Variants in SDK1 observed in about 807,000 individuals in gnomAD.
SDK1 encodes the protein sidekick cell adhesion molecule 1.
SDK1 carries 157 observed loss-of-function variants against 245.5 expected under a neutral mutation model. The observed-to-expected ratio is 0.64, with a 90% confidence interval of 0.56 to 0.73. The LOEUF (loss-of-function observed/expected upper bound fraction) is 0.73, where lower values mean the gene tolerates loss of function less well. Among genes scored for constraint, SDK1 ranks in the 30% least tolerant of loss-of-function variants. The pLI is 0.00. For synonymous variants in SDK1, 1,647 were observed against 1,278.5 expected, an observed-to-expected ratio of 1.29 and a Z score of -6.15; for missense variants, 3,583 against 3,002.3, an observed-to-expected ratio of 1.19 and a Z score of -4.52.
rs190739907 is a variant in SDK1, at chr7:3,773,300, C to T, written c.714-48150C>T. 9.5e-4 allele frequency among the ~76,000 whole-genome samples: 145 copies of T among 152,208 alleles called. 1 individual carries two copies. Among genetic ancestry groups the T allele is most frequent in the African/African-American group, 3.4e-3 (141 of 41,562 alleles). On this transcript the variant is annotated intron_variant, in intron 4 of 44. Transcript: ENST00000404826. ...CTATCTTCACATTCACTGATTCTTTCTTCCACCTCATTAAAATTGCTTTTG... is the reference window on the plus strand; with the variant it reads ...CTATCTTCACATTCACTGATTCTTTTTTCCACCTCATTAAAATTGCTTTTG...
chr7:4,138,498 C>T (rs971660986), intron 28 of SDK1, among the ~76,000 whole-genome samples: 1 of 152,058 alleles, frequency 6.6e-6, no homozygotes, highest in Non-Finnish European at 1.5e-5. Context: ...GTAATCCCAG[C>T]ACTTTGGGAG....
At chr7:3,769,744 G>A (rs1260717684) in intron 4 of SDK1, among the ~76,000 whole-genome samples, 1 of 152,016 alleles carries the variant, frequency 6.6e-6, no homozygotes, top group African/African-American at 2.4e-5. Flanking sequence ...TGGTAGGTTA[G>A]GGGTTAGGAG....
intron 35 of SDK1, among the ~76,000 whole-genome samples, chr7:4,189,200 C>G (rs543876740): frequency 2.0e-5 from 3 of 152,306 alleles, no homozygotes; most frequent in South Asian, 4.1e-4. Flanking sequence ...TGCTGCTGGG[C>G]TGGCAGCGCT....
chr7:3,413,310 A>C (rs1779264572), intron 1 of SDK1, among the ~76,000 whole-genome samples: 1 of 152,180 alleles, frequency 6.6e-6, no homozygotes, highest in Admixed American at 6.5e-5. Context: ...GAAGCTAAAG[A>C]GGGGCAGGGG....
intron 1 of SDK1, among the ~76,000 whole-genome samples, chr7:3,481,343 A>G (rs1457859911): frequency 6.6e-6 from 1 of 152,244 alleles, no homozygotes; most frequent in Non-Finnish European, 1.5e-5. Context: ...GTGACTGCAT[A>G]TCATCCTGGT....
chr7:3,690,610 G>C (rs554418821), intron 4 of SDK1, among the ~76,000 whole-genome samples: 3 of 152,092 alleles, frequency 2.0e-5, no homozygotes, highest in Non-Finnish European at 4.4e-5. Context: ...TCATAGTATA[G>C]CTTTTACAGA....
intron 14 of SDK1, among the ~76,000 whole-genome samples, chr7:3,988,910 T>C (rs2128139999): frequency 6.6e-6 from 1 of 152,306 alleles, no homozygotes; most frequent in Non-Finnish European, 1.5e-5. Context: ...TAGCTGGGAC[T>C]ACAGGCACCT....
At chr7:3,502,040 G>C (rs2128608461) in intron 1 of SDK1, among the ~76,000 whole-genome samples, 1 of 152,058 alleles carries the variant, frequency 6.6e-6, no homozygotes, top group South Asian at 2.1e-4. Flanking sequence ...TTACATATAA[G>C]CTTACTGCCA....
chr7:3,588,351 T>C lies in SDK1; in HGVS notation c.299-30729T>C, dbSNP rs139861921. Among the ~76,000 whole-genome samples, 419 of 152,378 alleles carry C rather than the reference T, an allele frequency of 2.7e-3. 2 individuals carry two copies. Among genetic ancestry groups the C allele is most frequent in the Non-Finnish European group, 4.2e-3 (289 of 68,036 alleles). On this transcript the variant is annotated intron_variant, in intron 1 of 44. Coordinates refer to ENST00000404826, the MANE Select transcript of SDK1 (RefSeq NM_152744.4). Reference sequence around the variant, plus strand: ...ATTAAGTTTGTTTACAACAGTCTTTTAGTTGTATACTAATGAGTAAAGGCT... The same window carrying C: ...ATTAAGTTTGTTTACAACAGTCTTTCAGTTGTATACTAATGAGTAAAGGCT...
At position 4,158,527 on chromosome 7, in the gene SDK1, G is replaced by A; in HGVS notation, c.4705G>A (p.Glu1569Lys). 5.0e-6 allele frequency: 8 copies of A among 1,613,696 alleles called. 1 individual carries two copies. Among genetic ancestry groups the A allele is most frequent in the Non-Finnish European group, 6.8e-6 (8 of 1,179,934 alleles). Residue 1569 changes from glutamate (E) to lysine (K), a missense_variant, in exon 31 of 45, where the codon GAG becomes AAG. Physicochemically the swap from Glu to Lys is moderately conservative, Grantham distance 56. Transcript: ENST00000404826. The stretch of plus-strand genomic sequence containing the variant: ...GGACAGTGACTTCAGTTCAGAGACA[G>A]AGGCGGTGACCACGCTGCAGGATGG... ...IGDSDFSSET[E>K]AVTTLQDVPG...
intron 22 of SDK1, among the ~76,000 whole-genome samples, chr7:4,080,981 A>C (rs972457404): frequency 6.6e-6 from 1 of 152,250 alleles, no homozygotes; most frequent in African/African-American, 2.4e-5. Context: ...ACAATGTCTC[A>C]TGAAAACCAA....
rs533783952 is a variant in SDK1, at chr7:4,047,466, C to G, written c.2603-1882C>G. Among the ~76,000 whole-genome samples the G allele has an allele frequency of 1.1e-4, 16 of 152,240 alleles. No homozygotes were observed. The East Asian group carries it at 2.9e-3, about 28-fold the overall frequency. On this transcript the variant is annotated intron_variant, in intron 17 of 44. Transcript: ENST00000404826. ...TTGGTCTATAGTTTTCCTTCAGAGGCTTTTTCTGATTTTGGTATCAGGGTA... is the reference window on the plus strand; with the variant it reads ...TTGGTCTATAGTTTTCCTTCAGAGGGTTTTTCTGATTTTGGTATCAGGGTA...
intron 1 of SDK1, among the ~76,000 whole-genome samples, chr7:3,460,513 G>A (rs1462137801): frequency 6.6e-6 from 1 of 152,172 alleles, no homozygotes; most frequent in African/African-American, 2.4e-5. Flanking sequence ...TTTTAGAAGG[G>A]AAGGAATTCG....
intron 17 of SDK1, among the ~76,000 whole-genome samples, chr7:4,043,212 C>T (rs941105131): frequency 5.1e-5 from 7 of 137,904 alleles, no homozygotes; most frequent in East Asian, 4.5e-4. Flanking sequence ...AGCCAGGGGC[C>T]CAGGTAGAGT....
Position 4,265,361 on chromosome 7 carries a change from A to C in SDK1, c.6619A>C (p.Thr2207Pro). ...TGGCCCCGGCGCGCGAACTCCGCTC[A>C]CCGGCTTCTCCTCCTTCGTGTGAGC... Reference protein sequence around the residue: ...PAGPGARTPLTGFSSFV With the variant: ...PAGPGARTPLPGFSSFV The change falls in exon 45 of 45, where the codon ACC (threonine) becomes CCC (proline). Residue 2207 changes from threonine to proline, a missense_variant. Physicochemically the swap from Thr to Pro is conservative, Grantham distance 38. Transcript: ENST00000404826. 1 of 1,452,138 alleles carries C rather than the reference A, an allele frequency of 6.9e-7. No individual in the cohort carries two copies. Among genetic ancestry groups the C allele is most frequent in the Non-Finnish European group, 9.0e-7 (1 of 1,115,282 alleles). 90.0% of individuals were successfully genotyped at this position (1,452,138 alleles called of 1,614,324 possible).
chr7:3,445,590 T>C (rs1353410708), intron 1 of SDK1, among the ~76,000 whole-genome samples: 11 of 152,168 alleles, frequency 7.2e-5, no homozygotes, highest in Admixed American at 3.9e-4. Context: ...TCCTAATGGA[T>C]ATTGCTTATA....
chr7:4,132,263 A>T, intron 27 of SDK1, 62 bp from the exon 28 acceptor site: 1 of 1,328,360 alleles, frequency 7.5e-7, no homozygotes, highest in East Asian at 2.4e-5. Context: ...ATCCTGTGTA[A>T]CCTGTCACGC....
At chr7:4,255,501 A>G (rs1308599338) in intron 44 of SDK1, among the ~76,000 whole-genome samples, 1 of 152,138 alleles carries the variant, frequency 6.6e-6, no homozygotes, top group Non-Finnish European at 1.5e-5. Flanking sequence ...CTTCCTACAA[A>G]CAAGCTGGGG....
intron 4 of SDK1, among the ~76,000 whole-genome samples, chr7:3,791,745 C>G (rs573017702): frequency 1.6e-4 from 24 of 152,142 alleles, no homozygotes; most frequent in African/African-American, 5.8e-4. Flanking sequence ...GTGATCTGTT[C>G]GGAGAGTGCT....
Sources: allele counts gnomAD v4.1 joint callset (sites outside exome capture counted in the v4.1 genomes callset), GRCh38; gene constraint gnomAD v4.1.1; transcripts MANE v1.5; gene names NCBI Gene and HGNC (gene_info 2026-07-23, HGNC 2026-07-21).